DROSHA: variants seen among roughly 807,000 people sequenced by gnomAD.
The protein encoded by DROSHA is drosha ribonuclease III, also known as ribonuclease 3.
In DROSHA, 56 loss-of-function variants were observed where a neutral mutation model predicts 181.9. That is an observed-to-expected ratio of 0.31 (90% CI 0.25 to 0.38). DROSHA has a LOEUF of 0.38. Among genes scored for constraint, DROSHA ranks in the 10% least tolerant of loss-of-function variants. The pLI is 1.00. For synonymous variants in DROSHA, 524 were observed against 591.2 expected (o/e 0.89, Z 1.65); for missense variants, 1,218 against 1,743.5 (o/e 0.70, Z 5.37).
At chr5:31,432,292 CAGCT>C (rs1744276835) in intron 25 of DROSHA, among the ~76,000 whole-genome samples, 1 of 152,078 alleles carries the variant, frequency 6.6e-6, no homozygotes. Flanking sequence ...CCACCACACC[CAGCT>C]AATTTCTGTA....
chr5:31,482,346 G>GT (rs1380438456), intron 16 of DROSHA, among the ~76,000 whole-genome samples: 3 of 152,070 alleles, frequency 2.0e-5, no homozygotes, highest in African/African-American at 7.2e-5. Flanking sequence ...AACTGACAGG[G>GT]TAAACATCAG....
Position 31,449,374 on chromosome 5 carries a change from G to A in DROSHA, c.2728C>T (p.Pro910Ser). ...GATAATGAATTCCTGGCATGATCAG[G>A]ATTCATTCCAAAATTTAAATGATGA... ...PSHHLNFGMN[P>S]DHARNSLSNC... Residue 910 changes from proline to serine, a missense_variant, in exon 22 of 36, where the codon CCT (proline) becomes TCT (serine). Physicochemically the swap from Pro to Ser is moderately conservative, Grantham distance 74 (BLOSUM62 -1). This residue lies in a region of DROSHA where 460 missense variants were observed against 774.2 expected (regional missense o/e 0.59). Coordinates refer to ENST00000344624, the MANE Select transcript of DROSHA (RefSeq NM_001382508.1). 1.9e-6 allele frequency: 3 copies of A among 1,603,892 alleles called. No individual in the cohort carries two copies. Among genetic ancestry groups the A allele is most frequent in the Non-Finnish European group, 1.7e-6 (2 of 1,174,762 alleles).
chr5:31,528,777 T>G (rs573070516), intron 4 of DROSHA, among the ~76,000 whole-genome samples: 35 of 152,202 alleles, frequency 2.3e-4, no homozygotes, highest in Admixed American at 3.9e-4. Context: ...TCTAAGGACC[T>G]AATTCCACCT....
intron 10 of DROSHA, among the ~76,000 whole-genome samples, chr5:31,506,961 C>T (rs1487242335): frequency 6.6e-6 from 1 of 152,150 alleles, no homozygotes; most frequent in African/African-American, 2.4e-5. Context: ...CTGATAGAAA[C>T]AGGTATCCAC....
chr5:31,477,032 A>G (rs1750451444), intron 16 of DROSHA, among the ~76,000 whole-genome samples: 1 of 152,218 alleles, frequency 6.6e-6, no homozygotes, highest in Non-Finnish European at 1.5e-5. Context: ...GATATAAATG[A>G]GAAATGAGAG....
At chr5:31,449,247 A>T in intron 22 of DROSHA, 34 bp downstream of exon 22, 1 of 1,610,606 alleles carries the variant, frequency 6.2e-7, no homozygotes, top group Non-Finnish European at 8.5e-7. Context: ...AGGCCAAAAT[A>T]GGAGATTCAC....
At chr5:31,453,446 C>G (rs1747265619) in intron 20 of DROSHA, among the ~76,000 whole-genome samples, 2 of 152,152 alleles carry the variant, frequency 1.3e-5, no homozygotes, top group Admixed American at 6.5e-5. Context: ...AAGGGATCAG[C>G]CTGTCTCAGC....
chr5:31,418,556 AC>A (rs1254421707), intron 30 of DROSHA, among the ~76,000 whole-genome samples: 1 of 152,204 alleles, frequency 6.6e-6, no homozygotes, highest in Non-Finnish European at 1.5e-5. Flanking sequence ...GGCATGAACC[AC>A]CATACCTGGC....
At chr5:31,421,890 A>AT (rs57434699) in intron 29 of DROSHA, 7 of 69,664 alleles carry the variant, frequency 1.0e-4, no homozygotes, top group African/African-American at 2.1e-4. Flanking sequence ...AAAAAAAAAA[A>AT]AAAAATATAT....
chr5:31,433,884 G>GT (rs1273365806), intron 25 of DROSHA, among the ~76,000 whole-genome samples: 1 of 152,154 alleles, frequency 6.6e-6, no homozygotes, highest in East Asian at 1.9e-4. Context: ...ATAGAGTGGT[G>GT]TGCTACTGTT....
intron 15 of DROSHA, 29 bp downstream of exon 15, chr5:31,484,852 T>C: frequency 1.4e-6 from 2 of 1,445,060 alleles, no homozygotes; most frequent in Non-Finnish European, 1.9e-6. Context: ...CCATAAACAC[T>C]ACTCTCTTCT....
intron 20 of DROSHA, among the ~76,000 whole-genome samples, chr5:31,458,923 G>C (rs541674890): frequency 8.5e-5 from 13 of 152,274 alleles, no homozygotes; most frequent in African/African-American, 3.1e-4. Flanking sequence ...TACACTGTAG[G>C]AACTCTACAG....
intron 8 of DROSHA, among the ~76,000 whole-genome samples, chr5:31,513,439 T>C (rs1410898191): frequency 1.3e-5 from 2 of 152,166 alleles, no homozygotes; most frequent in Non-Finnish European, 2.9e-5. Context: ...CAGAACCACC[T>C]TCTTGCCAGG....
intron 11 of DROSHA, among the ~76,000 whole-genome samples, chr5:31,496,782 A>G (rs891205434): frequency 8.5e-5 from 13 of 152,126 alleles, no homozygotes; most frequent in Admixed American, 8.5e-4. Context: ...CGACTGTTAC[A>G]TTTTTCAGTC....
At chr5:31,445,941 A>T (rs1409103076) in intron 23 of DROSHA, among the ~76,000 whole-genome samples, 1 of 152,208 alleles carries the variant, frequency 6.6e-6, no homozygotes, top group Non-Finnish European at 1.5e-5. Flanking sequence ...TAAGTTAAGA[A>T]AATGAAATTA....
Position 31,521,165 on chromosome 5 carries a change from G to A in DROSHA, c.905C>T (p.Ser302Phe). 6.2e-7 allele frequency: 1 copy of A among 1,613,686 alleles called. No homozygotes were observed. Among genetic ancestry groups the A allele is most frequent in the South Asian group, 1.1e-5 (1 of 91,074 alleles). ...CTCTTTTTTGTAGGACCTTTCCAGAGATGGTGATCTTCGGTTGTCTCGATG... is the reference window on the plus strand; with the variant it reads ...CTCTTTTTTGTAGGACCTTTCCAGAAATGGTGATCTTCGGTTGTCTCGATG... The part of the protein sequence containing the change: ...HRHRDNRRSP[S>F]LERSYKKEYK... The change falls in exon 6 of 36, where the codon TCT (serine) becomes TTT (phenylalanine). Residue 302 changes from serine to phenylalanine, a missense_variant. Ser to Phe is a radical substitution (Grantham distance 155). Around this residue, in one of 8 missense-constraint regions of DROSHA, gnomAD observed 536 missense variants for 535.4 expected, o/e 1.00. Coordinates refer to ENST00000344624, the MANE Select transcript of DROSHA (RefSeq NM_001382508.1).
chr5:31,501,928 G>A (rs890705464), intron 11 of DROSHA, among the ~76,000 whole-genome samples: 5 of 152,190 alleles, frequency 3.3e-5, no homozygotes, highest in African/African-American at 1.2e-4. Flanking sequence ...TTGGTAAAAT[G>A]CATGCACCGC....
intron 20 of DROSHA, among the ~76,000 whole-genome samples, chr5:31,454,737 G>A (rs1015417231): frequency 4.6e-5 from 7 of 151,888 alleles, no homozygotes; most frequent in South Asian, 2.1e-4. Flanking sequence ...TCAGGAGATC[G>A]AGATCATCCT....
At chr5:31,420,317 A>G (rs548338133) in intron 30 of DROSHA, among the ~76,000 whole-genome samples, 1 of 152,326 alleles carries the variant, frequency 6.6e-6, no homozygotes, top group South Asian at 2.1e-4. Flanking sequence ...TGCCCAATAA[A>G]GTATTTGCTT....
Sources: gnomAD v4.1 joint callset for allele counts (sites outside exome capture counted in the v4.1 genomes callset) on GRCh38, gnomAD v4.1.1 for gene constraint, gnomAD v4.1.1 regional missense constraint, MANE v1.5 for transcripts, NCBI Gene and HGNC (gene_info 2026-07-23, HGNC 2026-07-21) for gene names.